Variants in NEK10 observed in about 807,000 individuals in gnomAD.
The protein encoded by NEK10 is serine/threonine-protein kinase Nek10.
A neutral mutation model predicts 159.8 loss-of-function variants in NEK10; 122 were observed. The ratio of observed to expected loss-of-function variants is 0.76; its 90% CI spans 0.66 to 0.89. The LOEUF is 0.89. Ranked by LOEUF, NEK10 falls within the 40% of genes least tolerant of loss-of-function variation. The probability of loss-of-function intolerance (pLI) is 0.00; values close to 1 mark genes in which losing one functional copy is unlikely to be tolerated. For missense variants in NEK10, 1,342 were observed against 1,323.1 expected (o/e 1.01, Z -0.22); for synonymous variants, 466 against 457.1 (o/e 1.02, Z -0.25).
At chr3:27,263,158 G>A (rs1166488176) in intron 22 of NEK10, among the ~76,000 whole-genome samples, 1 of 152,212 alleles carries the variant, frequency 6.6e-6, no homozygotes, top group Non-Finnish European at 1.5e-5. Context: ...AAATGTTGCT[G>A]CCTGATTATT....
At chr3:27,331,262 A>AAAAAAAAAAAAAAAAAAAAAACACAC in intron 5 of NEK10, among the ~76,000 whole-genome samples, 1 of 110,146 alleles carries the variant, frequency 9.1e-6, no homozygotes, top group African/African-American at 2.9e-5. Flanking sequence ...AAAAAAAAAA[A>AAAAAAAAAAAAAAAAAAAAAACACAC]ACACACAAAC....
At chr3:27,166,413 G>A (rs1559541148) in intron 29 of NEK10, among the ~76,000 whole-genome samples, 2 of 151,792 alleles carry the variant, frequency 1.3e-5, no homozygotes, top group Non-Finnish European at 2.9e-5. Context: ...TTGTTTTAAG[G>A]CTGTTGGAGT....
At chr3:27,352,001 T>G (rs1050525568) in intron 3 of NEK10, among the ~76,000 whole-genome samples, 28 of 151,992 alleles carry the variant, frequency 1.8e-4, no homozygotes, top group African/African-American at 6.5e-4. Flanking sequence ...CAAAAATCAC[T>G]CCTTGCCCCT....
intron 28 of NEK10, among the ~76,000 whole-genome samples, chr3:27,173,208 C>A (rs1947175935): frequency 6.6e-6 from 1 of 152,120 alleles, no homozygotes; most frequent in South Asian, 2.1e-4. Context: ...TTATTAATAT[C>A]TAACAAAACA....
intron 23 of NEK10, among the ~76,000 whole-genome samples, chr3:27,221,342 CA>C (rs1388826901): frequency 6.6e-6 from 1 of 152,080 alleles, no homozygotes; most frequent in East Asian, 1.9e-4. Context: ...TAAAAATGGG[CA>C]AAAACAAAGT....
chr3:27,318,791 A>T (rs2045401579), intron 6 of NEK10, among the ~76,000 whole-genome samples: 1 of 152,228 alleles, frequency 6.6e-6, no homozygotes. Flanking sequence ...GTTGTCTAAC[A>T]TGTCTCTGGA....
chr3:27,341,484 A>C (rs1211045470), intron 5 of NEK10, among the ~76,000 whole-genome samples: 1 of 152,164 alleles, frequency 6.6e-6, no homozygotes, highest in Non-Finnish European at 1.5e-5. Context: ...ATTATATAGC[A>C]GTATATTATA....
chr3:27,139,779 C>T (rs751722344), intron 31 of NEK10, among the ~76,000 whole-genome samples: 5 of 152,162 alleles, frequency 3.3e-5, no homozygotes, highest in Non-Finnish European at 1.5e-5. Flanking sequence ...CTCAGAGAGA[C>T]GGGCTCATTG....
At chr3:27,251,925 A>T (rs1342807025) in intron 23 of NEK10, among the ~76,000 whole-genome samples, 1 of 152,238 alleles carries the variant, frequency 6.6e-6, no homozygotes, top group Non-Finnish European at 1.5e-5. Context: ...GGTACTTACT[A>T]TCTCAAATGA....
chr3:27,331,787 C>A (rs2046439565), intron 5 of NEK10, among the ~76,000 whole-genome samples: 1 of 152,104 alleles, frequency 6.6e-6, no homozygotes, highest in South Asian at 2.1e-4. Context: ...ATGTTTTCTC[C>A]TAATTCAACA....
At chr3:27,171,966 C>T in intron 28 of NEK10, 93 bp from the exon 29 acceptor site, 1 of 1,319,710 alleles carries the variant, frequency 7.6e-7, no homozygotes, top group Non-Finnish European at 1.0e-6. Flanking sequence ...ACAACAAATA[C>T]TGGTGAAGAT....
intron 25 of NEK10, chr3:27,194,674 C>G (rs1403163096): frequency 3.3e-5 from 5 of 152,100 alleles, no homozygotes; most frequent in Non-Finnish European, 5.9e-5. Context: ...TCCATTTGTC[C>G]TTGGAGCTAG....
intron 23 of NEK10, among the ~76,000 whole-genome samples, chr3:27,211,080 C>G (rs143576895): frequency 6.6e-6 from 1 of 152,300 alleles, no homozygotes; most frequent in East Asian, 1.9e-4. Flanking sequence ...AGCTGTTGAT[C>G]TGCCTTTAAT....
intron 25 of NEK10, among the ~76,000 whole-genome samples, chr3:27,199,951 G>C (rs1575209126): frequency 6.6e-6 from 1 of 152,118 alleles, no homozygotes; most frequent in African/African-American, 2.4e-5. Flanking sequence ...GACACTGGGA[G>C]TTATTGGATG....
intron 23 of NEK10, chr3:27,215,833 T>C (rs1158612198): frequency 4.2e-6 from 3 of 717,494 alleles, no homozygotes; most frequent in Non-Finnish European, 7.8e-6. Flanking sequence ...CAGCACGTTT[T>C]ATGTGGCCAG....
chr3:27,197,737 C>T (rs1303368290), intron 25 of NEK10, among the ~76,000 whole-genome samples: 1 of 151,842 alleles, frequency 6.6e-6, no homozygotes, highest in Non-Finnish European at 1.5e-5. Flanking sequence ...GACTTCTTCT[C>T]TTCCTATATG....
chr3:27,240,600 C>T (rs557725907), intron 23 of NEK10, among the ~76,000 whole-genome samples: 2 of 152,030 alleles, frequency 1.3e-5, no homozygotes, highest in South Asian at 2.1e-4. Flanking sequence ...TAGCAGAGAC[C>T]CTCACAGGAG....
chr3:27,316,716 A>C (rs2149625885), intron 6 of NEK10, among the ~76,000 whole-genome samples: 2 of 152,276 alleles, frequency 1.3e-5, no homozygotes, highest in South Asian at 4.1e-4. Context: ...ATGTTTCCTA[A>C]ACCATGTCCT....
At chr3:27,176,162 T>G (rs949098627) in intron 26 of NEK10, among the ~76,000 whole-genome samples, 1 of 152,206 alleles carries the variant, frequency 6.6e-6, no homozygotes, top group African/African-American at 2.4e-5. Context: ...CAAAAAACAT[T>G]TGTGCATTGC....
Sources: gnomAD v4.1 joint callset for allele counts (sites outside exome capture counted in the v4.1 genomes callset) on GRCh38, gnomAD v4.1.1 for gene constraint, MANE v1.5 for transcripts, NCBI Gene and HGNC (gene_info 2026-07-23, HGNC 2026-07-21) for gene names.